Variants in PCSK5 observed in about 807,000 individuals in gnomAD.
PCSK5 encodes the protein prohormone convertase 5.
In PCSK5, 129 loss-of-function variants were observed where a neutral mutation model predicts 233.2. The observed-to-expected ratio is 0.55, with a 90% CI of 0.48 to 0.64. The LOEUF is 0.64. PCSK5 is among the 30% of genes least tolerant of loss of function. The probability of loss-of-function intolerance (pLI) is 0.00; values close to 1 mark genes in which losing one functional copy is unlikely to be tolerated. For synonymous variants in PCSK5, 825 were observed against 879.2 expected, an observed-to-expected ratio of 0.94 and a Z score of 1.09; for missense variants, 2,076 against 2,430.1, an observed-to-expected ratio of 0.85 and a Z score of 3.06.
At chr9:76,173,879 C>T (rs1206983862) in intron 13 of PCSK5, among the ~76,000 whole-genome samples, 1 of 151,910 alleles carries the variant, frequency 6.6e-6, no homozygotes, top group Admixed American at 6.6e-5. Flanking sequence ...GAGGATAAGG[C>T]AGGAGAATTG....
intron 11 of PCSK5, among the ~76,000 whole-genome samples, chr9:76,158,190 A>T (rs1822688345): frequency 6.6e-6 from 1 of 152,222 alleles, no homozygotes; most frequent in Admixed American, 6.5e-5. Context: ...ATTCTAATAA[A>T]CAAATGTTGG....
At chr9:76,245,152 A>G (rs1185525814) in intron 24 of PCSK5, among the ~76,000 whole-genome samples, 1 of 152,154 alleles carries the variant, frequency 6.6e-6, no homozygotes, top group African/African-American at 2.4e-5. Flanking sequence ...ATTATATACC[A>G]TTGACTTGAT....
intron 9 of PCSK5, among the ~76,000 whole-genome samples, chr9:76,118,919 A>C (rs933087291): frequency 2.0e-5 from 3 of 151,948 alleles, no homozygotes; most frequent in Admixed American, 6.6e-5. Flanking sequence ...TTTAATCTGC[A>C]TTTTGCTTTC....
At chr9:76,054,476 G>C (rs566919750) in intron 5 of PCSK5, among the ~76,000 whole-genome samples, 1 of 152,290 alleles carries the variant, frequency 6.6e-6, no homozygotes, top group South Asian at 2.1e-4. Context: ...CAAAGATCTA[G>C]GCAGGGAAGG....
chr9:75,905,373 A>T (rs1435013674), intron 1 of PCSK5, among the ~76,000 whole-genome samples: 2 of 152,172 alleles, frequency 1.3e-5, no homozygotes, highest in African/African-American at 4.8e-5. Context: ...AAAATAAAAA[A>T]TTAGCAGGGC....
chr9:76,064,781 G>A (rs1437070375), intron 5 of PCSK5, among the ~76,000 whole-genome samples: 2 of 149,708 alleles, frequency 1.3e-5, no homozygotes, highest in East Asian at 4.0e-4. Context: ...TGGGGCGGCG[G>A]GGCAGAGGCG....
At chr9:76,258,362 G>A (rs1010310966) in intron 24 of PCSK5, among the ~76,000 whole-genome samples, 5 of 152,196 alleles carry the variant, frequency 3.3e-5, no homozygotes, top group African/African-American at 1.2e-4. Flanking sequence ...TGATGACATT[G>A]AGCCTTTGGG....
At chr9:76,336,768 G>T (rs1489940520) in intron 34 of PCSK5, among the ~76,000 whole-genome samples, 2 of 151,984 alleles carry the variant, frequency 1.3e-5, no homozygotes, top group Non-Finnish European at 2.9e-5. Flanking sequence ...ATGTTTAATT[G>T]TAGGTACTAA....
At chr9:76,113,225 C>T (rs1029851890) in intron 9 of PCSK5, among the ~76,000 whole-genome samples, 1 of 152,152 alleles carries the variant, frequency 6.6e-6, no homozygotes, top group Non-Finnish European at 1.5e-5. Flanking sequence ...AGGGAATCCC[C>T]TCTACCTTTT....
intron 20 of PCSK5, among the ~76,000 whole-genome samples, chr9:76,206,075 C>T (rs999236046): frequency 2.6e-5 from 4 of 152,174 alleles, no homozygotes; most frequent in East Asian, 1.9e-4. Flanking sequence ...TCAGAATCAC[C>T]GGGACAGCCT....
intron 8 of PCSK5, among the ~76,000 whole-genome samples, chr9:76,098,996 C>A (rs1176361485): frequency 1.3e-5 from 2 of 152,188 alleles, no homozygotes; most frequent in African/African-American, 4.8e-5. Flanking sequence ...GACACCATGA[C>A]TAAATGTTAA....
At position 75,974,747 on chromosome 9, in the gene PCSK5, C is replaced by T. The variant is rs187779087; in HGVS notation, c.298-11385C>T. ...TCTGTTGTGTGTGGGGCCCACATTGCGGGTCTTCATTCACACTCCTCCTCA... is the reference window on the plus strand; with the variant it reads ...TCTGTTGTGTGTGGGGCCCACATTGTGGGTCTTCATTCACACTCCTCCTCA... On this transcript the variant is annotated intron_variant, in intron 2 of 37. Coordinates refer to ENST00000674117, the MANE Select transcript of PCSK5 (RefSeq NM_001372043.1). 3.0e-3 allele frequency among the ~76,000 whole-genome samples: 460 copies of T among 152,216 alleles called. 2 individuals carry two copies. Among genetic ancestry groups the T allele is most frequent in the Non-Finnish European group, 2.7e-3 (184 of 68,002 alleles).
At chr9:76,005,628 C>A (rs1484997331) in intron 3 of PCSK5, among the ~76,000 whole-genome samples, 1 of 152,122 alleles carries the variant, frequency 6.6e-6, no homozygotes, top group African/African-American at 2.4e-5. Flanking sequence ...ACAAATAACT[C>A]CAAACTGAAT....
In PCSK5 at chr9:76,163,950, G is replaced by C. The variant is rs752133870; in HGVS notation, c.1619+4779G>C. Reference sequence around the variant, plus strand: ...GCCCTCTGTTCCAAATTTTGGCCTCGATTGAAAGGTGAAACTTTGCCTCCC... The same window carrying C: ...GCCCTCTGTTCCAAATTTTGGCCTCCATTGAAAGGTGAAACTTTGCCTCCC... On this transcript the variant is annotated intron_variant, in intron 12 of 37. Coordinates refer to ENST00000674117, the MANE Select transcript of PCSK5 (RefSeq NM_001372043.1). 2.1e-5 allele frequency among the ~76,000 whole-genome samples: 3 copies of C among 145,708 alleles called. No homozygotes were observed. The East Asian group carries it at 6.7e-4, about 33-fold the overall frequency.
At chr9:76,164,199 T>C (rs1321609045) in intron 12 of PCSK5, among the ~76,000 whole-genome samples, 2 of 152,232 alleles carry the variant, frequency 1.3e-5, no homozygotes, top group Middle Eastern at 6.3e-3. Flanking sequence ...ATCTGTGGGT[T>C]GCAGTAAAAA....
chr9:76,044,573 G>A lies in PCSK5; in HGVS notation c.632+17536G>A, dbSNP rs1243065076. ...CCAGCAGTTTTCTGTGAGCATTACA[G>A]ATCATGCATTCTGAATGTTTGGAAT... is the stretch of plus-strand genomic sequence containing the variant. On this transcript the variant is annotated intron_variant, in intron 5 of 37. Transcript: ENST00000674117. Among the ~76,000 whole-genome samples the A allele has an allele frequency of 4.6e-5, 7 of 152,174 alleles. No individual in the cohort carries two copies. The East Asian group carries it at 1.2e-3, about 25-fold the overall frequency.
intron 24 of PCSK5, among the ~76,000 whole-genome samples, chr9:76,254,930 A>AT (rs1826932199): frequency 6.6e-6 from 1 of 152,190 alleles, no homozygotes; most frequent in Non-Finnish European, 1.5e-5. Context: ...GCAGGTGCTG[A>AT]TACCTACTCC....
At chr9:76,204,075 C>T (rs1441282537) in intron 20 of PCSK5, among the ~76,000 whole-genome samples, 1 of 152,180 alleles carries the variant, frequency 6.6e-6, no homozygotes, top group Non-Finnish European at 1.5e-5. Context: ...ATGTTGGTTA[C>T]TAATATTACT....
At chr9:76,113,249 G>T (rs1009821285) in intron 9 of PCSK5, among the ~76,000 whole-genome samples, 2 of 152,116 alleles carry the variant, frequency 1.3e-5, no homozygotes, top group Non-Finnish European at 2.9e-5. Context: ...TTTGGAGGAA[G>T]GGATCATTCG....
Sources: allele counts gnomAD v4.1 joint callset (sites outside exome capture counted in the v4.1 genomes callset), GRCh38; gene constraint gnomAD v4.1.1; transcripts MANE v1.5; gene names NCBI Gene and HGNC (gene_info 2026-07-23, HGNC 2026-07-21).